The following CAST variants were observed in gnomAD, a reference collection of about 807,000 sequenced individuals.
CAST encodes MIR583 host.
Under a neutral mutation model 119.6 loss-of-function variants are expected in CAST, and 76 were observed. That is an observed-to-expected ratio of 0.64 (90% confidence interval 0.53 to 0.77). The LOEUF is 0.77. CAST is among the 30% of genes least tolerant of loss of function. CAST has a pLI of 0.00. For synonymous variants in CAST, 319 were observed against 331.6 expected (o/e 0.96, Z 0.41); for missense variants, 953 against 946.5 (o/e 1.01, Z -0.09).
chr5:96,333,685 G>T, the CAST span, among the ~76,000 whole-genome samples: 1 of 152,078 alleles, frequency 6.6e-6, no homozygotes, highest in Non-Finnish European at 1.5e-5. Context: ...AGTTGGGGAG[G>T]CCTCTGTGCG....
the CAST span, among the ~76,000 whole-genome samples, chr5:96,346,113 G>A: frequency 1.3e-5 from 2 of 152,096 alleles, no homozygotes; most frequent in African/African-American, 2.4e-5. Flanking sequence ...AACATCCTCC[G>A]ATTGCAAAAT....
chr5:96,348,940 A>T, the CAST span, among the ~76,000 whole-genome samples: 1 of 152,122 alleles, frequency 6.6e-6, no homozygotes. Flanking sequence ...TGCAAGGAAG[A>T]CATGTTTGAG....
the CAST span, among the ~76,000 whole-genome samples, chr5:96,101,523 T>C: frequency 6.6e-6 from 1 of 152,246 alleles, no homozygotes; most frequent in South Asian, 2.1e-4. Flanking sequence ...ACATCATCCA[T>C]TGTGCTTCTC....
At chr5:96,513,411 A>C in the CAST span, among the ~76,000 whole-genome samples, 9 of 152,230 alleles carry the variant, frequency 5.9e-5, no homozygotes, top group African/African-American at 1.9e-4. Context: ...AAAGCAGGGA[A>C]AAGAGTGCAG....
At chr5:96,057,929 A>G in the CAST span, among the ~76,000 whole-genome samples, 1 of 152,144 alleles carries the variant, frequency 6.6e-6, no homozygotes, top group East Asian at 1.9e-4. Context: ...AATCATTTGC[A>G]TACTTTTCTT....
the CAST span, among the ~76,000 whole-genome samples, chr5:96,347,577 T>C: frequency 6.6e-6 from 1 of 152,160 alleles, no homozygotes; most frequent in South Asian, 2.1e-4. Context: ...TCAGTTATTA[T>C]ACAGAACCAT....
At chr5:96,308,252 G>T in the CAST span, among the ~76,000 whole-genome samples, 1 of 151,466 alleles carries the variant, frequency 6.6e-6, no homozygotes, top group African/African-American at 2.4e-5. Context: ...TTCGGCTATT[G>T]ATACCTCTGC....
At chr5:96,237,770 G>A in the CAST span, among the ~76,000 whole-genome samples, 1,079 of 151,890 alleles carry the variant, frequency 7.1e-3, 11 homozygotes, top group African/African-American at 0.025. Context: ...CTCTCAATCT[G>A]TTAATTTTTC....
the CAST span, among the ~76,000 whole-genome samples, chr5:96,231,166 A>C: frequency 6.6e-6 from 1 of 152,174 alleles, no homozygotes; most frequent in Non-Finnish European, 1.5e-5. Context: ...ATGTCTAAAC[A>C]ACATCTTGTA....
the CAST span, chr5:96,421,808 T>C: frequency 2.4e-6 from 2 of 843,156 alleles, no homozygotes; most frequent in East Asian, 2.4e-5. Context: ...ATGAAATATA[T>C]GGTATAATTT....
the CAST span, among the ~76,000 whole-genome samples, chr5:96,294,364 C>T: frequency 4.6e-5 from 7 of 152,158 alleles, no homozygotes; most frequent in African/African-American, 1.7e-4. Context: ...TGTAGCTCAC[C>T]TCAGGGAGCA....
At chr5:96,675,845 G>C (rs888094041) in intron 2 of CAST, 1 of 390,572 alleles carries the variant, frequency 2.6e-6, no homozygotes, top group African/African-American at 2.1e-5. Context: ...TGTTGCTTAG[G>C]GTGTTTTCCC....
chr5:96,046,123 G>T, the CAST span, among the ~76,000 whole-genome samples: 1 of 152,122 alleles, frequency 6.6e-6, no homozygotes, highest in East Asian at 1.9e-4. Flanking sequence ...AGGCCAGCGT[G>T]GCTGGAGTAG....
the CAST span, among the ~76,000 whole-genome samples, chr5:96,368,510 A>AC: frequency 1.3e-5 from 2 of 151,674 alleles, no homozygotes; most frequent in South Asian, 2.1e-4. Context: ...TAAAAAAAAA[A>AC]AAAAACAAAA....
the CAST span, among the ~76,000 whole-genome samples, chr5:96,170,584 G>A: frequency 2.0e-4 from 30 of 152,130 alleles, 1 homozygote; most frequent in Non-Finnish European, 3.8e-4. Flanking sequence ...ATTTAATGTC[G>A]GGAGCGGATT....
the CAST span, among the ~76,000 whole-genome samples, chr5:96,357,058 A>T: frequency 6.6e-6 from 1 of 152,138 alleles, no homozygotes; most frequent in East Asian, 1.9e-4. Context: ...ATCCCTTGTA[A>T]GTTGCATTCC....
At chr5:96,349,137 C>CTTTTTTTTTTTT in the CAST span, among the ~76,000 whole-genome samples, 4 of 31,316 alleles carry the variant, frequency 1.3e-4, no homozygotes, top group African/African-American at 5.4e-4. Flanking sequence ...AACAAGGACA[C>CTTTTTTTTTTTT]TATTTTTTTT....
chr5:96,628,059 A>G (rs1293141530), intron 1 of CAST, among the ~76,000 whole-genome samples: 1 of 152,276 alleles, frequency 6.6e-6, no homozygotes, highest in Non-Finnish European at 1.5e-5. Context: ...GAAAGGAAAT[A>G]CAGTAAATCC....
the CAST span, among the ~76,000 whole-genome samples, chr5:96,041,979 GCAGGGACTTAAGA>G: frequency 6.6e-6 from 1 of 152,164 alleles, no homozygotes; most frequent in Non-Finnish European, 1.5e-5. Flanking sequence ...TCAGAGGTGA[GCAGGGACTTAAGA>G]CAGGGAAATC....
Sources: gnomAD v4.1 joint callset for allele counts (sites outside exome capture counted in the v4.1 genomes callset) on GRCh38, gnomAD v4.1.1 for gene constraint, MANE v1.5 for transcripts, NCBI Gene and HGNC (gene_info 2026-07-23, HGNC 2026-07-21) for gene names.